The following PSAPL1 variants were observed in gnomAD, a reference collection of about 807,000 sequenced individuals.
PSAPL1 encodes the protein proactivator polypeptide-like 1.
For synonymous variants in PSAPL1, 351 were observed against 291.6 expected (o/e 1.20, Z -2.08); for missense variants, 814 against 688.8 (o/e 1.18, Z -2.03).
chr4:7,434,343 AG>A, the PSAPL1 span: 1 of 1,609,800 alleles, frequency 6.2e-7, no homozygotes, highest in Middle Eastern at 1.7e-4. Context: ...GAGCTCCTTC[AG>A]GCGCCTGGCG....
Position 7,433,350 on chromosome 4 carries a change from C to G in PSAPL1, c.1530G>C (p.Trp510Cys). The change falls in exon 1 of 1, where the codon TGG (tryptophan) becomes TGC (cysteine). Residue 510 changes from tryptophan (W) to cysteine (C), a missense_variant. By Grantham distance (215) the Trp-to-Cys change is radical (BLOSUM62 -2). Coordinates refer to ENST00000319098, the MANE Select transcript of PSAPL1 (RefSeq NM_001085382.2). ...CCCCAGCGTGGAGGTGCATCTCTTT[C>G]CATACATGCTTCTGGCAGTGTTGCA... The part of the protein sequence containing the change: ...NAVQHCQKHV[W>C]KEMHLHAGEH... 7.0e-7 allele frequency: 1 copy of G among 1,434,690 alleles called. No homozygotes were observed. The highest frequency in any genetic ancestry group is 1.4e-5 in the African/African-American group (1 of 69,746). 88.9% of individuals were successfully genotyped at this position (1,434,690 alleles called of 1,614,324 possible).
In PSAPL1 at chr4:7,433,884, G is replaced by A. The variant is rs770133966; in HGVS notation, c.996C>T (p.Ile332=). 2 of 1,613,936 alleles carry A rather than the reference G, an allele frequency of 1.2e-6. No individual in the cohort carries two copies. The highest frequency in any genetic ancestry group is 1.1e-5 in the South Asian group (1 of 91,076). Residue 332 remains isoleucine (I), a synonymous_variant, in exon 1 of 1, where the codon ATC becomes ATT. Coordinates refer to ENST00000319098, the MANE Select transcript of PSAPL1 (RefSeq NM_001085382.2). Reference sequence around the variant, plus strand: ...CCACCAAGATGATGCACTCCTTCGTGATAGAGGCAGGCATTACCGAGCACA... The same window carrying A: ...CCACCAAGATGATGCACTCCTTCGTAATAGAGGCAGGCATTACCGAGCACA... ...ERVCSVMPAS[I]TKECIILVDT... is the part of the protein sequence containing the mutation.
Position 7,433,991 on chromosome 4 carries a change from A to G in PSAPL1, c.889T>C (p.Cys297Arg), listed in dbSNP as rs1727089262. Residue 297 changes from cysteine (C) to arginine (R), a missense_variant, in exon 1 of 1, where the codon TGC becomes CGC. Coordinates refer to ENST00000319098, the MANE Select transcript of PSAPL1 (RefSeq NM_001085382.2). ...QMKAGVTCEV[C>R]MNVVQKLDHW... The stretch of plus-strand genomic sequence containing the variant: ...TCCAGCTTCTGCACCACGTTCATGC[A>G]CACCTCACAGGTCACACCGGCCTTC... 1.9e-6 allele frequency: 3 copies of G among 1,613,660 alleles called. No individual in the cohort carries two copies. Among genetic ancestry groups the G allele is most frequent in the Non-Finnish European group, 1.7e-6 (2 of 1,179,854 alleles).
At position 7,432,268 on chromosome 4, in the gene PSAPL1, G is replaced by A. The variant is rs1280858697; in HGVS notation, c.*1046C>T. The A allele has an allele frequency of 2.0e-5, 3 of 152,112 alleles. No individual in the cohort carries two copies. The highest frequency in any genetic ancestry group is 1.3e-4 in the Admixed American group (2 of 15,274). The allele number at this position is 152,112 out of a possible 1,614,324, so 9.4% of individuals were successfully genotyped here. A position where few individuals can be genotyped will look rare whatever the true frequency, so the allele number is the denominator to read the frequency against. Reference sequence around the variant, plus strand: ...ACACGGCACACGGCATTTGGAGAACGCTTGTGGTTTATACAGCGCTTGCAC... The same window carrying A: ...ACACGGCACACGGCATTTGGAGAACACTTGTGGTTTATACAGCGCTTGCAC... On this transcript the variant is annotated 3_prime_UTR_variant, in exon 1 of 1. Transcript: ENST00000319098.
In PSAPL1 at chr4:7,434,483, C is replaced by A; in HGVS notation, c.397G>T (p.Val133Leu). Residue 133 changes from valine (V) to leucine (L), a missense_variant, in exon 1 of 1, where the codon GTG (valine) becomes TTG (leucine). Coordinates refer to ENST00000319098, the MANE Select transcript of PSAPL1 (RefSeq NM_001085382.2). ...TCACAGAGGCTGAGCGCTGTGCACACCTGTGCCGGGGCACTGTCCGGGGCC... is the reference window on the plus strand; with the variant it reads ...TCACAGAGGCTGAGCGCTGTGCACAACTGTGCCGGGGCACTGTCCGGGGCC... ...RGAPDSAPAQ[V>L]CTALSLCEPL... 6.2e-7 allele frequency: 1 copy of A among 1,611,918 alleles called. No individual in the cohort carries two copies. Among genetic ancestry groups the A allele is most frequent in the South Asian group, 1.1e-5 (1 of 90,866 alleles).
chr4:7,432,694 A>T lies in PSAPL1; in HGVS notation c.*620T>A, dbSNP rs1270964753. 1 of 150,610 alleles carries T rather than the reference A, an allele frequency of 6.6e-6. No homozygotes were observed. Among genetic ancestry groups the T allele is most frequent in the East Asian group, 1.9e-4 (1 of 5,156 alleles). The allele number at this position is 150,610 out of a possible 1,614,324, so 9.3% of individuals were successfully genotyped here. On this transcript the variant is annotated 3_prime_UTR_variant, in exon 1 of 1. Transcript: ENST00000319098. Reference sequence around the variant, plus strand: ...TGTAGTGGCTGAGACATGGGGGGGGACTGCTCCGAAGCCCAGCAGCCCTTG... The same window carrying T: ...TGTAGTGGCTGAGACATGGGGGGGGTCTGCTCCGAAGCCCAGCAGCCCTTG...
rs766205154 is a variant in PSAPL1 at position 7,433,903 on chromosome 4, G to A, written c.977C>T (p.Ser326Leu). ...CTTCGTGATAGAGGCAGGCATTACC[G>A]AGCACACGCGCTCCAGGGCATGGGT... is the stretch of plus-strand genomic sequence containing the variant. ...MITHALERVC[S>L]VMPASITKEC... Residue 326 changes from serine to leucine, a missense_variant, in exon 1 of 1, where the codon TCG becomes TTG. By Grantham distance (145) the Ser-to-Leu change is moderately radical. Coordinates refer to ENST00000319098, the MANE Select transcript of PSAPL1 (RefSeq NM_001085382.2). 8 of 1,613,690 alleles carry A rather than the reference G, an allele frequency of 5.0e-6. No homozygotes were observed. Among genetic ancestry groups the A allele is most frequent in the Middle Eastern group, 1.6e-4 (1 of 6,084 alleles).
rs1458875454 is a variant in PSAPL1 at position 7,431,178 on chromosome 4, C to G, written c.*2136G>C. ...CCTGTGGGGTCATGGCCAGTGAGCT[C>G]CGTTCATCACGGGCAACCATCTAGT... On this transcript the variant is annotated 3_prime_UTR_variant, in exon 1 of 1. Transcript: ENST00000319098. 6.6e-6 allele frequency: 1 copy of G among 152,422 alleles called. No homozygotes were observed. Among genetic ancestry groups the G allele is most frequent in the African/African-American group, 2.4e-5 (1 of 41,418 alleles). The allele number at this position is 152,422 out of a possible 1,614,324, so 9.4% of individuals were successfully genotyped here. A position where few individuals can be genotyped will look rare whatever the true frequency, so the allele number is the denominator to read the frequency against.
Position 7,432,982 on chromosome 4 carries a change from G to A in PSAPL1, c.*332C>T, listed in dbSNP as rs1726987253. ...ACAGCCAGATGTCCATCCAGCAGAA[G>A]GTAAAGGGGCACCTGAGCCCATGGG... On this transcript the variant is annotated 3_prime_UTR_variant, in exon 1 of 1. Coordinates refer to ENST00000319098, the MANE Select transcript of PSAPL1 (RefSeq NM_001085382.2). 1 of 203,486 alleles carries A rather than the reference G, an allele frequency of 4.9e-6. No individual in the cohort carries two copies. The highest frequency in any genetic ancestry group is 9.8e-6 in the Non-Finnish European group (1 of 102,196). The allele number at this position is 203,486 out of a possible 1,614,324, so 12.6% of individuals were successfully genotyped here.
chr4:7,432,741 G>C lies in PSAPL1; in HGVS notation c.*573C>G, dbSNP rs1224294904. ...CTTGGAGAATGTGACCAAAGCCCCAGACCTCTCCCCGGAAATGTCCAGGGA... is the reference window on the plus strand; with the variant it reads ...CTTGGAGAATGTGACCAAAGCCCCACACCTCTCCCCGGAAATGTCCAGGGA... On this transcript the variant is annotated 3_prime_UTR_variant, in exon 1 of 1. Transcript: ENST00000319098. 1 of 152,272 alleles carries C rather than the reference G, an allele frequency of 6.6e-6. No homozygotes were observed. The highest frequency in any genetic ancestry group is 1.5e-5 in the Non-Finnish European group (1 of 68,194). 9.4% of individuals were successfully genotyped at this position (152,272 alleles called of 1,614,324 possible). A position where few individuals can be genotyped will look rare whatever the true frequency, so the allele number is the denominator to read the frequency against.
rs1245919481 is a variant in PSAPL1 at position 7,433,752 on chromosome 4, A to G, written c.1128T>C (p.His376=). ...CGNRRRARAV[H]DAYAIVPSPE... is the part of the protein sequence containing the mutation. ...GGGACGGCACGATGGCATAGGCATC[A>G]TGGACTGCCCGGGCCCGCCTCCGGT... The change falls in exon 1 of 1, where the codon CAT becomes CAC. Residue 376 remains histidine, a synonymous_variant. Transcript: ENST00000319098. 1 of 1,613,394 alleles carries G rather than the reference A, an allele frequency of 6.2e-7. No individual in the cohort carries two copies. Among genetic ancestry groups the G allele is most frequent in the East Asian group, 2.2e-5 (1 of 44,872 alleles).
chr4:7,434,264 C>A lies in PSAPL1; in HGVS notation c.616G>T (p.Asp206Tyr). ...EAVRSNLTLA[D>Y]LNIQEQCESL... ...TCACACTGCTCCTGGATGTTCAAGT[C>A]GGCCAAGGTCAAGTTGGACCGGACA... The change falls in exon 1 of 1, where the codon GAC becomes TAC. Residue 206 changes from aspartate to tyrosine, a missense_variant. Transcript: ENST00000319098. 1 of 1,613,310 alleles carries A rather than the reference C, an allele frequency of 6.2e-7. No individual in the cohort carries two copies. The highest frequency in any genetic ancestry group is 8.5e-7 in the Non-Finnish European group (1 of 1,179,830).
Position 7,434,172 on chromosome 4 carries a change from G to C in PSAPL1, c.708C>G (p.Asp236Glu), listed in dbSNP as rs760489709. Reference sequence around the variant, plus strand: ...GCGGGGGGAGAAGCCTCAGTGCTTGGTCAGCAGGGACAAAAAACTGGAAGA... The same window carrying C: ...GCGGGGGGAGAAGCCTCAGTGCTTGCTCAGCAGGGACAAAAAACTGGAAGA... Reference protein sequence around the residue: ...NYLFQFFVPADQALRLLPPQE... With the variant: ...NYLFQFFVPAEQALRLLPPQE... The change falls in exon 1 of 1, where the codon GAC becomes GAG. Residue 236 changes from aspartate to glutamate, a missense_variant. Asp to Glu is a conservative substitution (Grantham distance 45, BLOSUM62 2). Transcript: ENST00000319098. The C allele has an allele frequency of 1.9e-6, 3 of 1,613,918 alleles. No homozygotes were observed. The South Asian group carries it at 3.3e-5, about 18-fold the overall frequency.
the PSAPL1 span, chr4:7,434,297 G>A: frequency 6.2e-7 from 1 of 1,612,326 alleles, no homozygotes; most frequent in South Asian, 1.1e-5. Flanking sequence ...ACAGCCTCCT[G>A]GAGTCGGGAG....
chr4:7,433,661 A>G lies in PSAPL1; in HGVS notation c.1219T>C (p.Ser407Pro), dbSNP rs1274281789. ...GTGCTCTTGCTCTCCAAGTTGTGGG[A>G]GGACACCGTGAGCAGCCTCTTGCAC... ...NGCKRLLTVSSHNLESKSTKR... is the reference protein window; with the variant it reads ...NGCKRLLTVSPHNLESKSTKR... Residue 407 changes from serine (S) to proline (P), a missense_variant, in exon 1 of 1, where the codon TCC (serine) becomes CCC (proline). By Grantham distance (74) the Ser-to-Pro change is moderately conservative. Transcript: ENST00000319098. The G allele has an allele frequency of 1.2e-6, 2 of 1,609,660 alleles. No individual in the cohort carries two copies. Among genetic ancestry groups the G allele is most frequent in the Middle Eastern group, 1.7e-4 (1 of 6,046 alleles).
rs780631745 is a variant in PSAPL1, at chr4:7,434,646, C to T, written c.234G>A (p.Leu78=). 1.1e-5 allele frequency: 17 copies of T among 1,613,318 alleles called. No homozygotes were observed. The Admixed American group carries it at 2.8e-4, about 27-fold the overall frequency. The change falls in exon 1 of 1, where the codon CTG becomes CTA. Residue 78 remains leucine, a synonymous_variant. Coordinates refer to ENST00000319098, the MANE Select transcript of PSAPL1 (RefSeq NM_001085382.2). ...TGTCAGACTCCGTGGCGTCAGGGTTCAGCCCATTGCCAGCGGCGGCTGCTA... is the reference window on the plus strand; with the variant it reads ...TGTCAGACTCCGTGGCGTCAGGGTTTAGCCCATTGCCAGCGGCGGCTGCTA... ...QDIAAAAGNG[L]NPDATESDIL... is the part of the protein sequence containing the mutation.
chr4:7,433,952 A>G lies in PSAPL1; in HGVS notation c.928T>C (p.Ser310Pro). Reference sequence around the variant, plus strand: ...GTGATCATGAGCTCAGAGCTGTTGGACATGAGCCAGTGGTCCAGCTTCTGC... The same window carrying G: ...GTGATCATGAGCTCAGAGCTGTTGGGCATGAGCCAGTGGTCCAGCTTCTGC... ...VVQKLDHWLM[S>P]NSSELMITHA... The change falls in exon 1 of 1, where the codon TCC becomes CCC. Residue 310 changes from serine to proline, a missense_variant. By Grantham distance (74) the Ser-to-Pro change is moderately conservative (BLOSUM62 -1). Coordinates refer to ENST00000319098, the MANE Select transcript of PSAPL1 (RefSeq NM_001085382.2). The G allele has an allele frequency of 6.2e-7, 1 of 1,613,810 alleles. No homozygotes were observed. Among genetic ancestry groups the G allele is most frequent in the Non-Finnish European group, 8.5e-7 (1 of 1,179,886 alleles).
the PSAPL1 span, chr4:7,434,331 CAG>C: frequency 3.7e-6 from 6 of 1,610,866 alleles, no homozygotes; most frequent in African/African-American, 5.3e-5. Flanking sequence ...AGTCTTGGCA[CAG>C]AGCTCCTTCA....
In PSAPL1 at chr4:7,433,671, G is replaced by T; in HGVS notation, c.1209C>A (p.Leu403=). 6.2e-7 allele frequency: 1 copy of T among 1,610,078 alleles called. No homozygotes were observed. Reference sequence around the variant, plus strand: ...TCTCCAAGTTGTGGGAGGACACCGTGAGCAGCCTCTTGCACCCATTGCAGA... The same window carrying T: ...TCTCCAAGTTGTGGGAGGACACCGTTAGCAGCCTCTTGCACCCATTGCAGA... The part of the protein sequence containing the change: ...GSFCNGCKRL[L]TVSSHNLESK... The change falls in exon 1 of 1, where the codon CTC becomes CTA. Residue 403 remains leucine, a synonymous_variant. Coordinates refer to ENST00000319098, the MANE Select transcript of PSAPL1 (RefSeq NM_001085382.2).
Sources: allele counts gnomAD v4.1 joint callset, GRCh38; gene constraint gnomAD v4.1.1; transcripts MANE v1.5; gene names NCBI Gene and HGNC (gene_info 2026-07-23, HGNC 2026-07-21).